RAB11FIP4: variants seen among roughly 807,000 people sequenced by gnomAD.
RAB11FIP4 encodes RAB11 family interacting protein 4, also known as rab11 family-interacting protein 4.
A neutral mutation model predicts 74.3 loss-of-function variants in RAB11FIP4; 23 were observed. The observed-to-expected ratio is 0.31, with a 90% CI of 0.22 to 0.44. The LOEUF is 0.44. RAB11FIP4 is among the 20% of genes least tolerant of loss of function. The pLI is 1.00. For missense variants in RAB11FIP4, 630 were observed against 863.9 expected, an observed-to-expected ratio of 0.73 and a Z score of 3.39; for synonymous variants, 360 against 359.9, an observed-to-expected ratio of 1.00 and a Z score of 0.00.
chr17:31,422,536 A>G (rs1221473391), intron 1 of RAB11FIP4, among the ~76,000 whole-genome samples: 3 of 152,086 alleles, frequency 2.0e-5, no homozygotes, highest in Non-Finnish European at 4.4e-5. Context: ...TTTTAGGGAC[A>G]TATGCATTTA....
intron 3 of RAB11FIP4, among the ~76,000 whole-genome samples, chr17:31,492,849 C>A (rs1405158057): frequency 2.8e-5 from 3 of 108,022 alleles, no homozygotes; most frequent in Admixed American, 2.5e-4. Flanking sequence ...GCTGAGCCCC[C>A]CTCAAGAGCA....
chr17:31,519,581 C>A (rs1359910903), intron 4 of RAB11FIP4, among the ~76,000 whole-genome samples: 1 of 151,926 alleles, frequency 6.6e-6, no homozygotes, highest in Non-Finnish European at 1.5e-5. Flanking sequence ...CAAGTGGCAG[C>A]CCCTTACCAG....
At position 31,525,246 on chromosome 17, in the gene RAB11FIP4, G is replaced by A. The variant is rs140699601; in HGVS notation, c.1274+16G>A. On this transcript the variant is annotated intron_variant, in intron 10 of 14. Coordinates refer to ENST00000621161, the MANE Select transcript of RAB11FIP4 (RefSeq NM_032932.6). ...TCAATGCCAGGTGGGCCCCTCCACC[G>A]AGCCCCCTCCCTCAGAGGGACCCCC... 1.7e-3 allele frequency: 2,680 copies of A among 1,537,830 alleles called. 9 individuals carry two copies. The highest frequency in any genetic ancestry group is 1.9e-3 in the Non-Finnish European group (2,116 of 1,141,494).
chr17:31,507,735 C>A (rs2072378033), intron 3 of RAB11FIP4, among the ~76,000 whole-genome samples: 1 of 152,150 alleles, frequency 6.6e-6, no homozygotes, highest in Non-Finnish European at 1.5e-5. Flanking sequence ...TCAAGCAGTC[C>A]TCCTGCCTCA....
At chr17:31,412,602 A>G (rs1458908212) in intron 1 of RAB11FIP4, among the ~76,000 whole-genome samples, 1 of 152,216 alleles carries the variant, frequency 6.6e-6, no homozygotes, top group African/African-American at 2.4e-5. Context: ...GTCCCATCAC[A>G]GGGACCACGG....
chr17:31,508,026 C>T (rs1222511346), intron 3 of RAB11FIP4, among the ~76,000 whole-genome samples: 1 of 152,124 alleles, frequency 6.6e-6, no homozygotes, highest in Non-Finnish European at 1.5e-5. Context: ...TAGGGTTTCA[C>T]CATGTTTCCT....
chr17:31,496,023 C>T (rs867900763), intron 3 of RAB11FIP4, among the ~76,000 whole-genome samples: 7 of 152,166 alleles, frequency 4.6e-5, no homozygotes, highest in African/African-American at 9.7e-5. Context: ...AATTTGACAG[C>T]GCCTTTTTCT....
At chr17:31,480,902 A>T (rs975814802) in intron 3 of RAB11FIP4, among the ~76,000 whole-genome samples, 4 of 151,780 alleles carry the variant, frequency 2.6e-5, no homozygotes, top group Admixed American at 1.3e-4. Flanking sequence ...TATATATGTC[A>T]CTCATTAATT....
At chr17:31,446,851 T>C (rs1567658907) in intron 3 of RAB11FIP4, among the ~76,000 whole-genome samples, 5 of 152,042 alleles carry the variant, frequency 3.3e-5, no homozygotes. Context: ...AAAACAAACA[T>C]GGAACATAAT....
At chr17:31,415,959 G>A (rs1256236993) in intron 1 of RAB11FIP4, among the ~76,000 whole-genome samples, 1 of 152,106 alleles carries the variant, frequency 6.6e-6, no homozygotes, top group East Asian at 1.9e-4. Flanking sequence ...TTGACTCATA[G>A]TCTGATCTGA....
chr17:31,466,135 C>A (rs2071684486), intron 3 of RAB11FIP4, among the ~76,000 whole-genome samples: 1 of 152,030 alleles, frequency 6.6e-6, no homozygotes, highest in Admixed American at 6.5e-5. Context: ...CAGAGTGAGA[C>A]TCGGTCTCAG....
chr17:31,528,820 G>T (rs778963719), intron 13 of RAB11FIP4, 42 bp downstream of exon 13: 15 of 1,577,400 alleles, frequency 9.5e-6, no homozygotes, highest in Non-Finnish European at 1.3e-5. Context: ...CAGGGTGGCC[G>T]GGCCCACCAC....
chr17:31,488,881 A>G (rs2071953511), intron 3 of RAB11FIP4, among the ~76,000 whole-genome samples: 1 of 152,174 alleles, frequency 6.6e-6, no homozygotes, highest in South Asian at 2.1e-4. Flanking sequence ...TGTGCGGGCG[A>G]CAAGTGTCTC....
intron 3 of RAB11FIP4, among the ~76,000 whole-genome samples, chr17:31,466,848 TA>T (rs1305927483): frequency 1.3e-5 from 2 of 152,242 alleles, no homozygotes; most frequent in Non-Finnish European, 2.9e-5. Flanking sequence ...CCAGGGATGC[TA>T]CCACCTTGAG....
chr17:31,394,944 G>C lies in RAB11FIP4; in HGVS notation c.159+2933G>C, dbSNP rs931810539. ...GCGGTGGGGTGGCGGGGGGCGGGGG[G>C]GGGGGGCTCCCTTACGAAATGCAGT... On this transcript the variant is annotated intron_variant, in intron 1 of 14. Transcript: ENST00000621161. Among the ~76,000 whole-genome samples, 71 of 139,144 alleles carry C rather than the reference G, an allele frequency of 5.1e-4. No individual in the cohort carries two copies. In the East Asian group the frequency reaches 0.016, roughly 31 times the overall value. 91.3% of individuals were successfully genotyped at this position (139,144 alleles called of 152,430 possible).
At chr17:31,447,820 A>G (rs1404915615) in intron 3 of RAB11FIP4, among the ~76,000 whole-genome samples, 1 of 146,050 alleles carries the variant, frequency 6.8e-6, no homozygotes, top group Non-Finnish European at 1.5e-5. Flanking sequence ...ACCGCGCCCA[A>G]CTGCTGTATT....
chr17:31,524,859 T>C, intron 9 of RAB11FIP4: 1 of 606,602 alleles, frequency 1.6e-6, no homozygotes, highest in South Asian at 1.9e-5. Flanking sequence ...TGTGCTGCCC[T>C]GAGCGCCCCA....
intron 3 of RAB11FIP4, among the ~76,000 whole-genome samples, chr17:31,453,425 AG>A (rs1323311687): frequency 6.8e-6 from 1 of 146,572 alleles, no homozygotes; most frequent in Non-Finnish European, 1.5e-5. Context: ...AAGAGTTCTG[AG>A]TTTGAATCCT....
chr17:31,471,112 G>A (rs902902677), intron 3 of RAB11FIP4, among the ~76,000 whole-genome samples: 1 of 151,532 alleles, frequency 6.6e-6, no homozygotes, highest in African/African-American at 2.4e-5. Flanking sequence ...ACCCAGGCTG[G>A]AGTGCAGGGG....
Sources: gnomAD v4.1 joint callset for allele counts (sites outside exome capture counted in the v4.1 genomes callset) on GRCh38, gnomAD v4.1.1 for gene constraint, MANE v1.5 for transcripts, NCBI Gene and HGNC (gene_info 2026-07-23, HGNC 2026-07-21) for gene names.